The following KLF12 variants were observed in gnomAD, a reference collection of about 807,000 sequenced individuals.
KLF12 encodes KLF transcription factor 12.
KLF12 carries 9 observed loss-of-function variants against 37.8 expected under a neutral mutation model. The observed-to-expected ratio is 0.24, with a 90% CI of 0.14 to 0.42. The LOEUF (loss-of-function observed/expected upper bound fraction) is 0.42. Among genes scored for constraint, KLF12 ranks in the 10% least tolerant of loss-of-function variants. The pLI, the probability that KLF12 is intolerant of heterozygous loss-of-function variation, is 1.00. For missense variants in KLF12, 411 were observed against 516.0 expected (o/e 0.80, Z 1.97); for synonymous variants, 208 against 202.1 (o/e 1.03, Z -0.25).
intron 4 of KLF12, among the ~76,000 whole-genome samples, chr13:73,834,025 TTTA>T (rs1391565869): frequency 6.6e-6 from 1 of 152,192 alleles, no homozygotes; most frequent in East Asian, 1.9e-4. Context: ...TCAGTAAATA[TTTA>T]TTGAGCATTT....
chr13:74,216,900 T>C, the KLF12 span, among the ~76,000 whole-genome samples: 1 of 152,238 alleles, frequency 6.6e-6, no homozygotes, highest in Non-Finnish European at 1.5e-5. Flanking sequence ...TCTATGGAAA[T>C]TTATGACTTT....
intron 6 of KLF12, among the ~76,000 whole-genome samples, chr13:73,752,927 AT>A (rs1394148800): frequency 6.6e-6 from 1 of 151,456 alleles, no homozygotes; most frequent in African/African-American, 2.4e-5. Context: ...TAATTTTTGT[AT>A]TTTTTAGTAG....
chr13:73,867,641 T>C (rs1886245144), intron 3 of KLF12, among the ~76,000 whole-genome samples: 1 of 152,110 alleles, frequency 6.6e-6, no homozygotes, highest in Non-Finnish European at 1.5e-5. Flanking sequence ...CTTACTTATT[T>C]AGAACAACGT....
At chr13:74,255,747 C>T in the KLF12 span, among the ~76,000 whole-genome samples, 1 of 152,154 alleles carries the variant, frequency 6.6e-6, no homozygotes. Context: ...CTGACTGCTG[C>T]TGCTTACTGA....
chr13:73,738,309 TA>T (rs1877680768), intron 6 of KLF12, among the ~76,000 whole-genome samples: 1 of 50,704 alleles, frequency 2.0e-5, no homozygotes, highest in Non-Finnish European at 6.4e-5. Flanking sequence ...CACGCCTGGC[TA>T]ATTTTTTTTT....
intron 2 of KLF12, among the ~76,000 whole-genome samples, chr13:73,981,017 G>A (rs138595892): frequency 3.3e-5 from 5 of 152,110 alleles, no homozygotes; most frequent in Admixed American, 6.5e-5. Context: ...AAAATTAGCC[G>A]GGCGTGGTGA....
At chr13:73,725,606 A>G (rs554637829) in intron 6 of KLF12, among the ~76,000 whole-genome samples, 74 of 151,156 alleles carry the variant, frequency 4.9e-4, no homozygotes, top group Non-Finnish European at 9.4e-4. Flanking sequence ...AAAAAAAAAA[A>G]GACAAAATAA....
intron 5 of KLF12, among the ~76,000 whole-genome samples, chr13:73,806,602 G>T (rs1346574169): frequency 2.0e-5 from 3 of 149,494 alleles, no homozygotes; most frequent in Non-Finnish European, 4.4e-5. Context: ...ATGTAGGTTT[G>T]CAGTCAGACA....
intron 1 of KLF12, among the ~76,000 whole-genome samples, chr13:74,060,135 A>G (rs1873486571): frequency 6.6e-6 from 1 of 152,136 alleles, no homozygotes; most frequent in Non-Finnish European, 1.5e-5. Flanking sequence ...TTTTTGTACC[A>G]GTACCATGAT....
chr13:74,226,498 A>G, the KLF12 span, among the ~76,000 whole-genome samples: 1 of 152,164 alleles, frequency 6.6e-6, no homozygotes, highest in Admixed American at 6.5e-5. Flanking sequence ...ATTAGGCGGT[A>G]CAAAATATGA....
At chr13:74,000,485 A>C (rs975087953) in intron 1 of KLF12, among the ~76,000 whole-genome samples, 1 of 152,228 alleles carries the variant, frequency 6.6e-6, no homozygotes, top group African/African-American at 2.4e-5. Flanking sequence ...AAGTCGACTT[A>C]AAATACTTCA....
chr13:73,755,879 A>C (rs1318867254), intron 6 of KLF12, among the ~76,000 whole-genome samples: 1 of 152,030 alleles, frequency 6.6e-6, no homozygotes, highest in Non-Finnish European at 1.5e-5. Context: ...GAGTTACTTC[A>C]CTTAGAATAA....
intron 1 of KLF12, among the ~76,000 whole-genome samples, chr13:74,012,511 T>C (rs956426268): frequency 6.6e-6 from 1 of 152,228 alleles, no homozygotes; most frequent in Non-Finnish European, 1.5e-5. Context: ...GGGAAATGCA[T>C]GTGACAATAT....
chr13:73,733,533 C>T (rs1175764097), intron 6 of KLF12, among the ~76,000 whole-genome samples: 1 of 152,064 alleles, frequency 6.6e-6, no homozygotes, highest in East Asian at 1.9e-4. Context: ...CGATCATATA[C>T]ACACATGCAC....
chr13:73,810,946 A>G (rs1882893341), intron 5 of KLF12, among the ~76,000 whole-genome samples: 1 of 147,832 alleles, frequency 6.8e-6, no homozygotes, highest in South Asian at 2.1e-4. Flanking sequence ...TACACAAGTA[A>G]GAGATAAACA....
At chr13:73,965,588 T>A (rs1341712538) in intron 2 of KLF12, among the ~76,000 whole-genome samples, 2 of 152,284 alleles carry the variant, frequency 1.3e-5, no homozygotes, top group South Asian at 2.1e-4. Flanking sequence ...CCCTTCTGCG[T>A]GGTCCATGCA....
the KLF12 span, among the ~76,000 whole-genome samples, chr13:74,275,066 G>A: frequency 4.6e-5 from 7 of 152,136 alleles, no homozygotes; most frequent in African/African-American, 1.7e-4. Context: ...TGACATTTGA[G>A]CAAAGATCTG....
At chr13:73,848,527 C>A (rs1298062855) in intron 3 of KLF12, among the ~76,000 whole-genome samples, 1 of 148,454 alleles carries the variant, frequency 6.7e-6, no homozygotes, top group Non-Finnish European at 1.5e-5. Flanking sequence ...CAGGGTTATA[C>A]CTCATAAATA....
At chr13:74,125,755 G>A (rs547308513) in intron 1 of KLF12, among the ~76,000 whole-genome samples, 12 of 152,230 alleles carry the variant, frequency 7.9e-5, no homozygotes, top group South Asian at 2.1e-4. Flanking sequence ...TGTAGTAAAC[G>A]TATTCTAGTA....
Sources: gnomAD v4.1 joint callset for allele counts (sites outside exome capture counted in the v4.1 genomes callset) on GRCh38, gnomAD v4.1.1 for gene constraint, MANE v1.5 for transcripts, NCBI Gene and HGNC (gene_info 2026-07-23, HGNC 2026-07-21) for gene names.